The following OR1B1 variants were observed in gnomAD, a reference collection of about 807,000 sequenced individuals.
OR1B1 encodes olfactory receptor 1B1.
For missense variants in OR1B1, 414 were observed against 402.1 expected, an observed-to-expected ratio of 1.03 and a Z score of -0.25; for synonymous variants, 168 against 156.2, an observed-to-expected ratio of 1.08 and a Z score of -0.57.
At chr9:122,630,446 A>C (rs902266770), upstream of OR1B1, among the ~76,000 whole-genome samples, 2 of 152,200 alleles carry the variant, frequency 1.3e-5, no homozygotes, top group South Asian at 2.1e-4. Flanking sequence ...CTGTTAGTCC[A>C]CTATGACTAT....
the OR1B1 span, among the ~76,000 whole-genome samples, chr9:122,655,776 C>T: frequency 6.6e-6 from 1 of 151,906 alleles, no homozygotes; most frequent in African/African-American, 2.4e-5. Flanking sequence ...AGCAAACCAC[C>T]GTGGCGCACC....
chr9:122,634,328 T>G (rs1361110011), upstream of OR1B1, among the ~76,000 whole-genome samples: 3 of 123,386 alleles, frequency 2.4e-5, no homozygotes, highest in African/African-American at 6.6e-5. Flanking sequence ...AAGAGCGAAC[T>G]CCATCTCAAA....
the OR1B1 span, chr9:122,637,032 C>G: frequency 1.3e-5 from 2 of 152,170 alleles, no homozygotes; most frequent in Non-Finnish European, 2.9e-5. Flanking sequence ...TTTTTAGGTA[C>G]TAAAATTCCA....
chr9:122,628,421 G>A (rs1438072538), downstream of OR1B1, among the ~76,000 whole-genome samples: 1 of 152,178 alleles, frequency 6.6e-6, no homozygotes, highest in African/African-American at 2.4e-5. Flanking sequence ...AATGTGGAAT[G>A]TTCATGGCTC....
At chr9:122,648,105 A>T in the OR1B1 span, among the ~76,000 whole-genome samples, 6 of 152,230 alleles carry the variant, frequency 3.9e-5, no homozygotes, top group Non-Finnish European at 8.8e-5. Flanking sequence ...GATACAACAA[A>T]AAAAGAAAAT....
the OR1B1 span, among the ~76,000 whole-genome samples, chr9:122,650,710 G>C: frequency 6.6e-6 from 1 of 152,058 alleles, no homozygotes; most frequent in Non-Finnish European, 1.5e-5. Flanking sequence ...GGTTATTAAG[G>C]AACTCTAGGT....
the OR1B1 span, among the ~76,000 whole-genome samples, chr9:122,657,071 A>G: frequency 6.6e-6 from 1 of 151,956 alleles, no homozygotes; most frequent in African/African-American, 2.4e-5. Context: ...ATGTTTGAAG[A>G]TCTTTCTCAG....
At chr9:122,629,659 T>C, upstream of OR1B1, 1 of 651,366 alleles carries the variant, frequency 1.5e-6, no homozygotes, top group Non-Finnish European at 2.6e-6. Context: ...AAGACCTAGA[T>C]TCGAACTTGA....
At chr9:122,632,027 C>G (rs899073945), upstream of OR1B1, among the ~76,000 whole-genome samples, 4 of 152,064 alleles carry the variant, frequency 2.6e-5, no homozygotes, top group African/African-American at 9.7e-5. Context: ...CATTGGAGTA[C>G]CTTTTAGAAG....
At chr9:122,651,107 G>T in the OR1B1 span, among the ~76,000 whole-genome samples, 1 of 152,028 alleles carries the variant, frequency 6.6e-6, no homozygotes. Context: ...AACATTTTAG[G>T]TTTAAAGACT....
chr9:122,640,676 G>A, the OR1B1 span, among the ~76,000 whole-genome samples: 9 of 152,272 alleles, frequency 5.9e-5, no homozygotes, highest in South Asian at 1.9e-3. Flanking sequence ...TTTAAACAGT[G>A]CTTGGCAACT....
the OR1B1 span, among the ~76,000 whole-genome samples, chr9:122,650,843 G>A: frequency 2.6e-5 from 4 of 151,760 alleles, no homozygotes. Context: ...CTAACACGGT[G>A]AAACCCCATC....
the OR1B1 span, among the ~76,000 whole-genome samples, chr9:122,646,941 G>A: frequency 6.6e-6 from 1 of 152,264 alleles, no homozygotes; most frequent in African/African-American, 2.4e-5. Context: ...TTAAAGTGTA[G>A]AGTTTTTATT....
chr9:122,629,603 A>C (rs1163734167), upstream of OR1B1: 6 of 941,878 alleles, frequency 6.4e-6, no homozygotes, highest in Non-Finnish European at 9.8e-6. Flanking sequence ...GATGTTAGGG[A>C]TCATAGCATT....
the OR1B1 span, among the ~76,000 whole-genome samples, chr9:122,648,221 G>A: frequency 5.3e-5 from 8 of 152,128 alleles, no homozygotes; most frequent in South Asian, 8.3e-4. Flanking sequence ...TGATCAAGTC[G>A]GCTTCATCCC....
chr9:122,651,012 G>A, the OR1B1 span, among the ~76,000 whole-genome samples: 1,611 of 150,658 alleles, frequency 0.011, 24 homozygotes, highest in African/African-American at 0.036. Flanking sequence ...GTGACAGAGC[G>A]AGACGCCGTC....
At chr9:122,643,819 C>T in the OR1B1 span, among the ~76,000 whole-genome samples, 2 of 152,112 alleles carry the variant, frequency 1.3e-5, no homozygotes, top group Non-Finnish European at 2.9e-5. Context: ...TTGTAAGGCC[C>T]CCATTCCAGG....
At chr9:122,648,668 A>C in the OR1B1 span, among the ~76,000 whole-genome samples, 1 of 152,214 alleles carries the variant, frequency 6.6e-6, no homozygotes, top group African/African-American at 2.4e-5. Context: ...AAAGAGAATA[A>C]AATACCTAGA....
chr9:122,656,073 T>C, the OR1B1 span, among the ~76,000 whole-genome samples: 3 of 152,258 alleles, frequency 2.0e-5, no homozygotes, highest in Middle Eastern at 3.4e-3. Context: ...AGGATCTGTC[T>C]CTAGGAATTT....
Sources: gnomAD v4.1 joint callset for allele counts (sites outside exome capture counted in the v4.1 genomes callset) on GRCh38, gnomAD v4.1.1 for gene constraint, MANE v1.5 for transcripts, NCBI Gene and HGNC (gene_info 2026-07-23, HGNC 2026-07-21) for gene names.